Variants in MAP3K15 observed in about 807,000 individuals in gnomAD.
MAP3K15 encodes the protein mitogen-activated protein kinase kinase kinase 15, also known as MAPK/ERK kinase kinase 15.
A neutral mutation model predicts 99.5 loss-of-function variants in MAP3K15; 124 were observed. That is an observed-to-expected ratio of 1.25 (90% confidence interval 1.08 to 1.45). The LOEUF (loss-of-function observed/expected upper bound fraction) is 1.45. MAP3K15 is among the 40% of genes most tolerant of loss of function. The probability of loss-of-function intolerance (pLI) is 0.00; values close to 1 mark genes in which losing one functional copy is unlikely to be tolerated. For missense variants in MAP3K15, 1,242 were observed against 1,079.7 expected (o/e 1.15, Z -2.11); for synonymous variants, 494 against 439.6 (o/e 1.12, Z -1.55).
Position 19,360,664 on chromosome X carries a change from A to G in MAP3K15, c.*85T>C, listed in dbSNP as rs1468746744. 2 of 695,131 alleles carry G rather than the reference A, an allele frequency of 2.9e-6. No individual in the cohort carries two copies. The highest frequency in any genetic ancestry group is 4.5e-6 in the Non-Finnish European group (2 of 444,155). 57.3% of individuals were successfully genotyped at this position (695,131 alleles called of 1,213,427 possible). ...ATGGCATTTTTAAATATGTAAACACAGCGGAATTCGTGTATACACTAACAG... is the reference window on the plus strand; with the variant it reads ...ATGGCATTTTTAAATATGTAAACACGGCGGAATTCGTGTATACACTAACAG... On this transcript the variant is annotated 3_prime_UTR_variant, in exon 29 of 29. Coordinates refer to ENST00000338883, the MANE Select transcript of MAP3K15 (RefSeq NM_001001671.4).
In MAP3K15 at chrX:19,464,421, C is replaced by G. The variant is rs190392125; in HGVS notation, c.526-15G>C. On this transcript the variant is annotated splice_polypyrimidine_tract_variant and intron_variant, in intron 3 of 28. Transcript: ENST00000338883. Reference sequence around the variant, plus strand: ...CCACTGGATGCCTGGAAAAAAGAAACAAAGATGTTCCAGAAAGTAACTTAT... The same window carrying G: ...CCACTGGATGCCTGGAAAAAAGAAAGAAAGATGTTCCAGAAAGTAACTTAT... The G allele has an allele frequency of 3.7e-4, 433 of 1,155,064 alleles. 6 individuals are homozygous for G. In the East Asian group the frequency reaches 9.9e-3, roughly 26 times the overall value.
At chrX:19,380,051 T>G in intron 19 of MAP3K15, 69 bp downstream of exon 19, 2 of 1,054,357 alleles carry the variant, frequency 1.9e-6, no homozygotes, top group Non-Finnish European at 2.5e-6. Flanking sequence ...TTTTCTGGAT[T>G]GGGAGGAGAC....
At chrX:19,489,521 TGAA>T (rs2064352448) in intron 1 of MAP3K15, among the ~76,000 whole-genome samples, 1 of 110,945 alleles carries the variant, frequency 9.0e-6, no homozygotes, top group African/African-American at 3.3e-5. Context: ...TGATGGTACC[TGAA>T]GATGAGGCCT....
chrX:19,419,816 G>C (rs1330689098), intron 9 of MAP3K15, among the ~76,000 whole-genome samples: 2 of 112,001 alleles, frequency 1.8e-5, no homozygotes, highest in South Asian at 3.7e-4. Flanking sequence ...AAATGTGAAA[G>C]AACAGAAATT....
intron 3 of MAP3K15, among the ~76,000 whole-genome samples, chrX:19,473,902 A>C (rs1249368688): frequency 8.9e-6 from 1 of 112,194 alleles, no homozygotes; most frequent in Non-Finnish European, 1.9e-5. Flanking sequence ...TGCCTGCCTA[A>C]TACACCATCT....
At chrX:19,504,613 A>G (rs1360759348) in intron 1 of MAP3K15, among the ~76,000 whole-genome samples, 1 of 111,954 alleles carries the variant, frequency 8.9e-6, no homozygotes, top group Non-Finnish European at 1.9e-5. Context: ...AAAAAGCCCA[A>G]TATCACTGTC....
chrX:19,415,060 T>C, intron 10 of MAP3K15, 47 bp downstream of exon 10: 1 of 1,058,275 alleles, frequency 9.4e-7, no homozygotes. Flanking sequence ...CACCAATCCC[T>C]AGTTTTTTTC....
At chrX:19,491,454 T>C (rs1429561884) in intron 1 of MAP3K15, among the ~76,000 whole-genome samples, 1 of 109,638 alleles carries the variant, frequency 9.1e-6, no homozygotes, top group Non-Finnish European at 1.9e-5. Flanking sequence ...GACCTGAGGC[T>C]CTGTAAGAGT....
At chrX:19,366,501 G>A (rs1029476024) in intron 25 of MAP3K15, among the ~76,000 whole-genome samples, 3 of 111,642 alleles carry the variant, frequency 2.7e-5, no homozygotes, top group Non-Finnish European at 5.7e-5. Context: ...GACCCAGTGG[G>A]AGATAATTGA....
chrX:19,373,414 C>T (rs1739076967), intron 21 of MAP3K15, 122 bp downstream of exon 21: 6 of 898,610 alleles, frequency 6.7e-6, no homozygotes, highest in Admixed American at 3.0e-5. Context: ...TGCCCTACTG[C>T]CCTGCAGAAG....
At chrX:19,501,058 C>T (rs1205047526) in intron 1 of MAP3K15, among the ~76,000 whole-genome samples, 3 of 111,354 alleles carry the variant, frequency 2.7e-5, no homozygotes, top group African/African-American at 9.8e-5. Flanking sequence ...AGCATGGAAA[C>T]GAAGGAAGCT....
At chrX:19,475,643 CA>C (rs1203592716) in intron 3 of MAP3K15, among the ~76,000 whole-genome samples, 16 of 111,208 alleles carry the variant, frequency 1.4e-4, no homozygotes, top group African/African-American at 4.9e-4. Flanking sequence ...CATCTGCAAA[CA>C]GCTTCCTAGA....
intron 15 of MAP3K15, 86 bp downstream of exon 15, chrX:19,398,140 T>G: frequency 1.8e-6 from 2 of 1,104,250 alleles, no homozygotes; most frequent in Non-Finnish European, 2.4e-6. Context: ...GCTTTTGCCC[T>G]TAACTCCTCC....
At chrX:19,457,351 C>T (rs1427297290) in intron 5 of MAP3K15, among the ~76,000 whole-genome samples, 1 of 112,269 alleles carries the variant, frequency 8.9e-6, no homozygotes, top group Non-Finnish European at 1.9e-5. Context: ...GTGGCTCACA[C>T]CTGTAATCTC....
chrX:19,466,934 T>C (rs753590115), intron 3 of MAP3K15, among the ~76,000 whole-genome samples: 2 of 111,618 alleles, frequency 1.8e-5, no homozygotes, highest in African/African-American at 6.5e-5. Flanking sequence ...TGGCCCAGGA[T>C]GGCTTTGAAT....
chrX:19,431,480 G>A lies in MAP3K15; in HGVS notation c.1124C>T (p.Ser375Leu). Residue 375 changes from serine (S) to leucine (L), a missense_variant, in exon 7 of 29, where the codon TCA becomes TTA. Ser to Leu is a moderately radical substitution (Grantham distance 145). Transcript: ENST00000338883. ...GCGGCTGGTGTCATCTTTGCAGTCT[G>A]AATCCAAGAAGATGTCCTTGTAGAT... The part of the protein sequence containing the change: ...GRIYKDIFLD[S>L]DCKDDTSRDS... 8.3e-7 allele frequency: 1 copy of A among 1,200,267 alleles called. No individual in the cohort carries two copies. Among genetic ancestry groups the A allele is most frequent in the Non-Finnish European group, 1.1e-6 (1 of 895,107 alleles).
At chrX:19,483,217 C>A (rs2064303088) in intron 3 of MAP3K15, among the ~76,000 whole-genome samples, 1 of 103,170 alleles carries the variant, frequency 9.7e-6, no homozygotes, top group Non-Finnish European at 2.0e-5. Flanking sequence ...AAGATCATGC[C>A]ACTGCACTCC....
At chrX:19,370,821 C>A in intron 24 of MAP3K15, 138 bp downstream of exon 24, 2 of 520,131 alleles carry the variant, frequency 3.8e-6, no homozygotes, top group Non-Finnish European at 6.6e-6. Flanking sequence ...CGGAAGAAGT[C>A]TATGACAACA....
At chrX:19,480,669 A>T (rs2064282337) in intron 3 of MAP3K15, among the ~76,000 whole-genome samples, 2 of 104,407 alleles carry the variant, frequency 1.9e-5, no homozygotes, top group Non-Finnish European at 3.9e-5. Context: ...AAAAAAAAAA[A>T]AAAAAAATTA....
Sources: allele counts gnomAD v4.1 joint callset (sites outside exome capture counted in the v4.1 genomes callset), GRCh38; gene constraint gnomAD v4.1.1; transcripts MANE v1.5; gene names NCBI Gene and HGNC (gene_info 2026-07-23, HGNC 2026-07-21).